Variants in CUEDC2 observed in about 807,000 individuals in gnomAD.
CUEDC2 encodes CUE domain-containing protein 2.
In CUEDC2, 10 loss-of-function variants were observed where a neutral mutation model predicts 36.0. The ratio of observed to expected loss-of-function variants is 0.28; its 90% confidence interval spans 0.17 to 0.47. The LOEUF is 0.47. CUEDC2 is among the 20% of genes least tolerant of loss of function. CUEDC2 has a pLI of 0.99. For missense variants in CUEDC2, 269 were observed against 368.1 expected, an observed-to-expected ratio of 0.73 and a Z score of 2.20; for synonymous variants, 133 against 141.8, an observed-to-expected ratio of 0.94 and a Z score of 0.44.
Position 102,423,670 on chromosome 10 carries a change from A to T in CUEDC2, c.704T>A (p.Met235Lys). The T allele has an allele frequency of 6.2e-7, 1 of 1,614,188 alleles. No individual in the cohort carries two copies. Among genetic ancestry groups the T allele is most frequent in the East Asian group, 2.2e-5 (1 of 44,882 alleles). The change falls in exon 8 of 9, where the codon ATG becomes AAG. Residue 235 changes from methionine to lysine, a missense_variant. Transcript: ENST00000369937. The surrounding 1 kb of genome is among the most constrained non-coding windows in gnomAD (Gnocchi z 5.6). ...TAACTCTCTCACCTCCTTGGGAGCCATGGGCCGGTGAATCTTCTGATCCTC... is the reference window on the plus strand; with the variant it reads ...TAACTCTCTCACCTCCTTGGGAGCCTTGGGCCGGTGAATCTTCTGATCCTC... ...SAEDQKIHRP[M>K]APKEAPKKLI...
Position 102,423,562 on chromosome 10 carries a change from T to C in CUEDC2, c.728A>G (p.Lys243Arg). Residue 243 changes from lysine (K) to arginine (R), a missense_variant, in exon 9 of 9, where the codon AAG becomes AGG. Physicochemically the swap from Lys to Arg is conservative, Grantham distance 26. Coordinates refer to ENST00000369937, the MANE Select transcript of CUEDC2 (RefSeq NM_024040.3). This position sits in a 1 kb window ranked among gnomAD's most constrained non-coding sequence, Gnocchi z 5.6. Reference sequence around the variant, plus strand: ...CTGGTTGTCGATGTATCGGATCAGCTTCTTGGGGGCCTGTCAGGCAATCAG... The same window carrying C: ...CTGGTTGTCGATGTATCGGATCAGCCTCTTGGGGGCCTGTCAGGCAATCAG... ...RPMAPKEAPK[K>R]LIRYIDNQVV... is the part of the protein sequence containing the mutation. The C allele has an allele frequency of 6.2e-7, 1 of 1,614,196 alleles. No homozygotes were observed. Among genetic ancestry groups the C allele is most frequent in the Non-Finnish European group, 8.5e-7 (1 of 1,180,028 alleles).
Position 102,424,840 on chromosome 10 carries a change from C to T in CUEDC2, c.75-48G>A. On this transcript the variant is annotated intron_variant, in intron 2 of 8. Transcript: ENST00000369937. This position sits in a 1 kb window ranked among gnomAD's most constrained non-coding sequence, Gnocchi z 4.2. ...GCCCTGGGTAGGACACTGGATGCCTCCAGCACCCCCACCTATCCTGAGACT... is the reference window on the plus strand; with the variant it reads ...GCCCTGGGTAGGACACTGGATGCCTTCAGCACCCCCACCTATCCTGAGACT... 3 of 1,592,352 alleles carry T rather than the reference C, an allele frequency of 1.9e-6. No individual in the cohort carries two copies. Among genetic ancestry groups the T allele is most frequent in the Non-Finnish European group, 2.6e-6 (3 of 1,170,214 alleles).
chr10:102,424,504 TTCCTGGCATCGC>T lies in CUEDC2; in HGVS notation c.263_274del (p.Ser88_Arg91del), dbSNP rs1169744884. On this transcript the variant is annotated inframe_deletion, in exon 4 of 9. Transcript: ENST00000369937. The surrounding 1 kb of genome is among the most constrained non-coding windows in gnomAD (Gnocchi z 4.2). Reference sequence around the variant, plus strand: ...GCCCAGAGCCCCAGACTCACCTTTGTTCCTGGCATCGCTCAGCTGCCCTGAGAGCTTCTGCAT... The same window carrying T: ...GCCCAGAGCCCCAGACTCACCTTTGTTCAGCTGCCCTGAGAGCTTCTGCAT... The T allele has an allele frequency of 6.2e-7, 1 of 1,614,166 alleles. No individual in the cohort carries two copies. The highest frequency in any genetic ancestry group is 1.1e-5 in the South Asian group (1 of 91,080).
Position 102,423,895 on chromosome 10 carries a change from C to A in CUEDC2, c.595-36G>T. 1 of 1,604,518 alleles carries A rather than the reference C, an allele frequency of 6.2e-7. No homozygotes were observed. The highest frequency in any genetic ancestry group is 1.1e-5 in the South Asian group (1 of 89,810). ...GGGAGGCCTGGTCTAGGCCCAAGGGCACCAGCAGGGGAAACAGATGGGGAT... is the reference window on the plus strand; with the variant it reads ...GGGAGGCCTGGTCTAGGCCCAAGGGAACCAGCAGGGGAAACAGATGGGGAT... On this transcript the variant is annotated intron_variant, in intron 6 of 8. Coordinates refer to ENST00000369937, the MANE Select transcript of CUEDC2 (RefSeq NM_024040.3). The surrounding 1 kb of genome is among the most constrained non-coding windows in gnomAD (Gnocchi z 5.6).
intron 1 of CUEDC2, among the ~76,000 whole-genome samples, chr10:102,427,447 G>A (rs2061601268): frequency 6.6e-6 from 1 of 152,158 alleles, no homozygotes; most frequent in African/African-American, 2.4e-5. Context: ...CAGTTAGCGT[G>A]TCCCAAACTA....
intron 1 of CUEDC2, 104 bp from the exon 2 acceptor site, chr10:102,425,302 G>C (rs772603140): frequency 1.0e-5 from 8 of 774,668 alleles, no homozygotes; most frequent in Non-Finnish European, 1.8e-5. Flanking sequence ...GGAACCATCT[G>C]TTGATGCTGC....
chr10:102,423,958 G>A lies in CUEDC2; in HGVS notation c.594+38C>T. ...GGGCTTAACACCAAGGTGGAATGTA[G>A]CTGAGGCTACATGGTAGAGGGTGCT... On this transcript the variant is annotated intron_variant, in intron 6 of 8. Transcript: ENST00000369937. The surrounding 1 kb of genome is among the most constrained non-coding windows in gnomAD (Gnocchi z 5.6). 6.2e-7 allele frequency: 1 copy of A among 1,607,568 alleles called. No homozygotes were observed. The highest frequency in any genetic ancestry group is 8.5e-7 in the Non-Finnish European group (1 of 1,176,704).
chr10:102,424,246 A>G lies in CUEDC2; in HGVS notation c.411+18T>C, dbSNP rs1249561474. The G allele has an allele frequency of 5.6e-6, 9 of 1,611,866 alleles. No homozygotes were observed. Among genetic ancestry groups the G allele is most frequent in the East Asian group, 4.5e-5 (2 of 44,860 alleles). ...CCAGCCCCCTGGGTCCCTCATCGGT[A>G]CCCTCCTCTACCAGTACCTCATCTT... On this transcript the variant is annotated intron_variant, in intron 5 of 8. Coordinates refer to ENST00000369937, the MANE Select transcript of CUEDC2 (RefSeq NM_024040.3). This position sits in a 1 kb window ranked among gnomAD's most constrained non-coding sequence, Gnocchi z 4.2.
At chr10:102,426,798 G>A (rs565442883) in intron 1 of CUEDC2, among the ~76,000 whole-genome samples, 8 of 151,798 alleles carry the variant, frequency 5.3e-5, no homozygotes, top group African/African-American at 1.9e-4. Flanking sequence ...CTAGTTTTTT[G>A]TTGTTGTTGT....
Position 102,423,358 on chromosome 10 carries a change from G to T in CUEDC2, c.*68C>A. ...CAGGAGTTAGGGGGCCCCTGTGTAG[G>T]GGTATAGGGCTCCTGCATCCCTCTG... On this transcript the variant is annotated 3_prime_UTR_variant, in exon 9 of 9. Transcript: ENST00000369937. This position sits in a 1 kb window ranked among gnomAD's most constrained non-coding sequence, Gnocchi z 5.6. The T allele has an allele frequency of 6.3e-7, 1 of 1,597,366 alleles. No homozygotes were observed.
At chr10:102,427,601 C>G (rs2061601996) in intron 1 of CUEDC2, among the ~76,000 whole-genome samples, 4 of 152,116 alleles carry the variant, frequency 2.6e-5, no homozygotes, top group African/African-American at 9.7e-5. Context: ...GTCGCCAAGC[C>G]CTAATCATTA....
chr10:102,424,579 TGA>T lies in CUEDC2; in HGVS notation c.219-21_219-20del. On this transcript the variant is annotated intron_variant, in intron 3 of 8. Transcript: ENST00000369937. The surrounding 1 kb of genome is among the most constrained non-coding windows in gnomAD (Gnocchi z 4.2). The stretch of plus-strand genomic sequence containing the variant: ...TGTGCCCCTGAAAAGATGAGGGCAG[TGA>T]GAGGATGACTCTGCCCACCCCATAA... The T allele has an allele frequency of 6.2e-7, 1 of 1,614,046 alleles. No homozygotes were observed. The highest frequency in any genetic ancestry group is 8.5e-7 in the Non-Finnish European group (1 of 1,179,932).
chr10:102,429,592 G>A (rs1298619038), intron 1 of CUEDC2, among the ~76,000 whole-genome samples: 4 of 149,196 alleles, frequency 2.7e-5, no homozygotes. Flanking sequence ...CAGCCTACCA[G>A]GGGAATTCAT....
Position 102,424,437 on chromosome 10 carries a change from G to A in CUEDC2, c.281-43C>T. ...AGCATCAGGTTTGCCAAGGCTCTGG[G>A]GAGCAGGCAGTTGGGGGAGCGGGAT... On this transcript the variant is annotated intron_variant, in intron 4 of 8. Transcript: ENST00000369937. The surrounding 1 kb of genome is among the most constrained non-coding windows in gnomAD (Gnocchi z 4.2). 6.2e-7 allele frequency: 1 copy of A among 1,614,090 alleles called. No individual in the cohort carries two copies. The highest frequency in any genetic ancestry group is 8.5e-7 in the Non-Finnish European group (1 of 1,179,964).
chr10:102,429,817 CTTTCT>C (rs1378771221), intron 1 of CUEDC2, among the ~76,000 whole-genome samples: 12 of 62,792 alleles, frequency 1.9e-4, no homozygotes, highest in Admixed American at 1.9e-3. Flanking sequence ...AGCCCAGTTT[CTTTCT>C]TTTTTTTTTT....
Position 102,432,552 on chromosome 10 carries a change from T to TTGTC in CUEDC2, c.-41_-38dup, listed in dbSNP as rs2061620476. ...TGCTCCGTCGGGCGCCGCCGGCGAC[T>TTGTC]TGTCCCGCGCGGTGCAGCTCTCATC... On this transcript the variant is annotated 5_prime_UTR_variant, in exon 1 of 9. Transcript: ENST00000369937. 1 of 152,304 alleles carries TTGTC rather than the reference T, an allele frequency of 6.6e-6. No homozygotes were observed. Among genetic ancestry groups the TTGTC allele is most frequent in the South Asian group, 2.1e-4 (1 of 4,830 alleles). 9.4% of individuals were successfully genotyped at this position (152,304 alleles called of 1,614,324 possible).
At chr10:102,426,755 C>T (rs915984331) in intron 1 of CUEDC2, among the ~76,000 whole-genome samples, 1 of 152,074 alleles carries the variant, frequency 6.6e-6, no homozygotes, top group Non-Finnish European at 1.5e-5. Context: ...CCTTAGCCTC[C>T]GGAGTAGCTG....
At chr10:102,431,186 C>G in intron 1 of CUEDC2, among the ~76,000 whole-genome samples, 1 of 152,222 alleles carries the variant, frequency 6.6e-6, no homozygotes. Flanking sequence ...GCCATCCAGG[C>G]TGGAGTGCAG....
chr10:102,428,968 G>A (rs973588504), intron 1 of CUEDC2, among the ~76,000 whole-genome samples: 8 of 150,350 alleles, frequency 5.3e-5, no homozygotes, highest in Admixed American at 2.0e-4. Context: ...GTTGCAGTGA[G>A]CCGAGATTGC....
Sources: allele counts gnomAD v4.1 joint callset (sites outside exome capture counted in the v4.1 genomes callset), GRCh38; gene constraint gnomAD v4.1.1; non-coding constraint Gnocchi (gnomAD v3.1); transcripts MANE v1.5; gene names NCBI Gene and HGNC (gene_info 2026-07-23, HGNC 2026-07-21).